Variants in SLC1A7 observed in about 807,000 individuals in gnomAD.
SLC1A7 encodes the protein solute carrier family 1 member 7, also known as excitatory amino acid transporter 5.
SLC1A7 carries 40 observed loss-of-function variants against 47.7 expected under a neutral mutation model. The observed-to-expected ratio is 0.84, with a 90% CI of 0.65 to 1.09. The LOEUF is 1.09. Ranked by LOEUF, SLC1A7 falls within the 50% of genes least tolerant of loss-of-function variation. SLC1A7 has a pLI of 0.00. For missense variants in SLC1A7, 746 were observed against 769.5 expected, an observed-to-expected ratio of 0.97 and a Z score of 0.36; for synonymous variants, 323 against 325.6, an observed-to-expected ratio of 0.99 and a Z score of 0.09.
chr1:53,088,735 A>G (rs1048878543), intron 10 of SLC1A7, 142 bp downstream of exon 10: 2 of 664,170 alleles, frequency 3.0e-6, no homozygotes, highest in South Asian at 1.7e-5. Context: ...GTCATTCTGT[A>G]ACGGATGAGG....
intron 1 of SLC1A7, among the ~76,000 whole-genome samples, chr1:53,141,842 G>T (rs745864454): frequency 1.3e-5 from 2 of 152,106 alleles, no homozygotes; most frequent in Non-Finnish European, 2.9e-5. Flanking sequence ...CATGGTTGCC[G>T]CAAGCCCACG....
At chr1:53,141,172 G>C (rs1557696048) in intron 1 of SLC1A7, among the ~76,000 whole-genome samples, 1 of 152,132 alleles carries the variant, frequency 6.6e-6, no homozygotes, top group Non-Finnish European at 1.5e-5. Context: ...GTCCTGCCAA[G>C]TCAGTTTAGT....
chr1:53,115,357 A>C, intron 2 of SLC1A7: 2 of 235,688 alleles, frequency 8.5e-6, no homozygotes, highest in Non-Finnish European at 1.7e-5. Flanking sequence ...CACTCTCCTG[A>C]CCCCTGCCCA....
chr1:53,103,330 G>T lies in SLC1A7; in HGVS notation c.697+16C>A. On this transcript the variant is annotated intron_variant, in intron 5 of 10. Coordinates refer to ENST00000371494, the MANE Select transcript of SLC1A7 (RefSeq NM_006671.6). ...CCCGGCTCCACGGCACTGCTGGGCA[G>T]GTGGGCAGCACATACCCATGGTGGC... 2 of 1,563,328 alleles carry T rather than the reference G, an allele frequency of 1.3e-6. No individual in the cohort carries two copies. The highest frequency in any genetic ancestry group is 1.8e-5 in the Admixed American group (1 of 54,146).
At position 53,139,428 on chromosome 1, in the gene SLC1A7, A is replaced by T. The variant is rs921605640; in HGVS notation, c.135+2887T>A. Among the ~76,000 whole-genome samples the T allele has an allele frequency of 2.9e-4, 32 of 111,062 alleles. 1 individual carries two copies. The highest frequency in any genetic ancestry group is 1.1e-4 in the Non-Finnish European group (5 of 44,732). 72.9% of individuals were successfully genotyped at this position (111,062 alleles called of 152,430 possible). A position where few individuals can be genotyped will look rare whatever the true frequency, so the allele number is the denominator to read the frequency against. On this transcript the variant is annotated intron_variant, in intron 1 of 10. Coordinates refer to ENST00000371494, the MANE Select transcript of SLC1A7 (RefSeq NM_006671.6). ...GGTGCCTCAGCATGGCCCTCTCCCCAACACACACAGGGGTGGCCCAATACC... is the reference window on the plus strand; with the variant it reads ...GGTGCCTCAGCATGGCCCTCTCCCCTACACACACAGGGGTGGCCCAATACC...
rs1644733972 is a variant in SLC1A7, at chr1:53,114,496, C to T, written c.431+262G>A. On this transcript the variant is annotated intron_variant, in intron 3 of 10. Coordinates refer to ENST00000371494, the MANE Select transcript of SLC1A7 (RefSeq NM_006671.6). ...GCCTCCCACCCTACAGGCTGGGCATCAGCAAATGCTCACAGATGTCTGCTC... is the reference window on the plus strand; with the variant it reads ...GCCTCCCACCCTACAGGCTGGGCATTAGCAAATGCTCACAGATGTCTGCTC... 6.2e-6 allele frequency: 3 copies of T among 482,088 alleles called. No homozygotes were observed. In the Admixed American group the frequency reaches 1.0e-4, roughly 16 times the overall value. The allele number at this position is 482,088 out of a possible 1,614,324, so 29.9% of individuals were successfully genotyped here. A position where few individuals can be genotyped will look rare whatever the true frequency, so the allele number is the denominator to read the frequency against.
chr1:53,137,107 C>A (rs1164060301), intron 1 of SLC1A7, among the ~76,000 whole-genome samples: 1 of 151,954 alleles, frequency 6.6e-6, no homozygotes, highest in African/African-American at 2.4e-5. Context: ...GCCAACATGG[C>A]AAAACCCCAT....
chr1:53,140,137 A>G (rs1440848167), intron 1 of SLC1A7, among the ~76,000 whole-genome samples: 1 of 152,246 alleles, frequency 6.6e-6, no homozygotes. Flanking sequence ...GATGCTGAGA[A>G]AGCCAGTTTC....
chr1:53,101,673 C>T (rs114212304), intron 5 of SLC1A7, among the ~76,000 whole-genome samples: 54 of 151,790 alleles, frequency 3.6e-4, no homozygotes, highest in African/African-American at 1.3e-3. Context: ...CATCTTGGTA[C>T]ACTCACAAAC....
intron 2 of SLC1A7, among the ~76,000 whole-genome samples, chr1:53,123,914 C>A (rs986104503): frequency 6.6e-6 from 1 of 152,312 alleles, no homozygotes; most frequent in Admixed American, 6.5e-5. Context: ...CTGTGGCTAC[C>A]CCCTGACTCG....
chr1:53,106,922 A>G (rs974571380), intron 3 of SLC1A7, among the ~76,000 whole-genome samples: 10 of 152,308 alleles, frequency 6.6e-5, no homozygotes, highest in African/African-American at 2.2e-4. Flanking sequence ...TGGGAGGCCA[A>G]GGTGGGCACA....
chr1:53,139,729 A>G (rs1645037460), intron 1 of SLC1A7, among the ~76,000 whole-genome samples: 2 of 152,124 alleles, frequency 1.3e-5, no homozygotes, highest in Non-Finnish European at 2.9e-5. Context: ...ACCCACCTCC[A>G]TATTATCTAA....
intron 5 of SLC1A7, among the ~76,000 whole-genome samples, chr1:53,093,957 C>CT (rs1385241280): frequency 2.0e-5 from 3 of 152,168 alleles, no homozygotes; most frequent in African/African-American, 7.2e-5. Flanking sequence ...CACTGGCCTT[C>CT]TTTAAGTTTC....
At chr1:53,090,109 T>G in intron 8 of SLC1A7, 175 bp from the exon 9 acceptor site, 1 of 668,400 alleles carries the variant, frequency 1.5e-6, no homozygotes, top group South Asian at 1.8e-5. Flanking sequence ...CTCACAGTCC[T>G]GAAGCCCCAT....
In SLC1A7 at chr1:53,088,213, G is replaced by A. The variant is rs139218904; in HGVS notation, c.1479C>T (p.Cys493=). The change falls in exon 11 of 11, where the codon TGC becomes TGT. Residue 493 remains cysteine, a synonymous_variant. Transcript: ENST00000371494. The part of the protein sequence containing the change: ...RDTGTEKLLP[C]ETKPVSLQEI... ...CCTGGAGGCTCACTGGCTTGGTCTCGCAGGGCAGCAGTTTCTGGTGAAGGG... is the reference window on the plus strand; with the variant it reads ...CCTGGAGGCTCACTGGCTTGGTCTCACAGGGCAGCAGTTTCTGGTGAAGGG... 325 of 1,607,466 alleles carry A rather than the reference G, an allele frequency of 2.0e-4. No homozygotes were observed. The African/African-American group carries it at 3.9e-3, about 19-fold the overall frequency.
chr1:53,105,855 G>T, intron 3 of SLC1A7, 81 bp from the exon 4 acceptor site: 1 of 1,149,388 alleles, frequency 8.7e-7, no homozygotes, highest in Non-Finnish European at 1.3e-6. Context: ...GGGTCATCTG[G>T]ACATCTCCTT....
At chr1:53,141,682 G>A (rs938940401) in intron 1 of SLC1A7, among the ~76,000 whole-genome samples, 6 of 142,704 alleles carry the variant, frequency 4.2e-5, no homozygotes, top group African/African-American at 1.3e-4. Flanking sequence ...CAGTTCTCAC[G>A]TCTGTCCCTT....
At chr1:53,106,102 C>T (rs984904586) in intron 3 of SLC1A7, among the ~76,000 whole-genome samples, 3 of 152,004 alleles carry the variant, frequency 2.0e-5, no homozygotes, top group Admixed American at 1.3e-4. Context: ...CCCTGACTGC[C>T]CCACGAGACC....
At chr1:53,128,590 C>A (rs1255206516) in intron 2 of SLC1A7, among the ~76,000 whole-genome samples, 1 of 143,068 alleles carries the variant, frequency 7.0e-6, no homozygotes, top group African/African-American at 2.6e-5. Flanking sequence ...GTGGGCAGGA[C>A]CTGGCCAGGG....
Sources: gnomAD v4.1 joint callset for allele counts (sites outside exome capture counted in the v4.1 genomes callset) on GRCh38, gnomAD v4.1.1 for gene constraint, MANE v1.5 for transcripts, NCBI Gene and HGNC (gene_info 2026-07-23, HGNC 2026-07-21) for gene names.